MGME1: variants seen among roughly 807,000 people sequenced by gnomAD.
MGME1 encodes chromosome 20 open reading frame 72.
A neutral mutation model predicts 33.0 loss-of-function variants in MGME1; 22 were observed. That is an observed-to-expected ratio of 0.67 (90% CI 0.48 to 0.95). The LOEUF is 0.95. Ranked by LOEUF, MGME1 falls within the 40% of genes least tolerant of loss-of-function variation. The pLI is 0.00. For synonymous variants in MGME1, 133 were observed against 144.0 expected (o/e 0.92, Z 0.55); for missense variants, 383 against 397.8 (o/e 0.96, Z 0.32).
At chr20:17,973,258 C>A (rs1018134113) in intron 2 of MGME1, among the ~76,000 whole-genome samples, 1 of 151,998 alleles carries the variant, frequency 6.6e-6, no homozygotes, top group Non-Finnish European at 1.5e-5. Context: ...GCAGGAGAAT[C>A]GCTTGAACCT....
At chr20:17,982,027 C>A (rs1344637718) in intron 3 of MGME1, among the ~76,000 whole-genome samples, 1 of 152,202 alleles carries the variant, frequency 6.6e-6, no homozygotes, top group Non-Finnish European at 1.5e-5. Flanking sequence ...TGGGAACACT[C>A]AGATTATTTC....
At chr20:17,973,741 C>T (rs2035787095) in intron 2 of MGME1, among the ~76,000 whole-genome samples, 1 of 152,050 alleles carries the variant, frequency 6.6e-6, no homozygotes, top group Non-Finnish European at 1.5e-5. Context: ...CTCTGTTTCT[C>T]TGAGTATCTA....
rs567244425 is a variant in MGME1 at position 17,986,952 on chromosome 20, G to A, written c.732-1214G>A. Among the ~76,000 whole-genome samples, 18 of 151,866 alleles carry A rather than the reference G, an allele frequency of 1.2e-4. No individual in the cohort carries two copies. In the East Asian group the frequency reaches 3.3e-3, roughly 28 times the overall value. On this transcript the variant is annotated intron_variant, in intron 3 of 4. Coordinates refer to ENST00000377710, the MANE Select transcript of MGME1 (RefSeq NM_052865.4). ...TCCCAGCAGTTTGGGAGGCCAAGGC[G>A]GGTGGATCACTTGAGGTTAGGAGTT...
intron 1 of MGME1, among the ~76,000 whole-genome samples, chr20:17,969,491 CA>C (rs2035653146): frequency 6.6e-6 from 1 of 152,196 alleles, no homozygotes; most frequent in Non-Finnish European, 1.5e-5. Context: ...GTGTGGCCGC[CA>C]TGGGACGGGC....
chr20:17,975,594 T>A (rs1368252999), intron 2 of MGME1, 90 bp from the exon 3 acceptor site: 1 of 897,908 alleles, frequency 1.1e-6, no homozygotes, highest in East Asian at 2.6e-5. Flanking sequence ...TTTTTAATTG[T>A]ATTGTTTCAG....
chr20:17,970,446 G>A (rs1568605404), intron 2 of MGME1, 76 bp downstream of exon 2: 1 of 1,470,914 alleles, frequency 6.8e-7, no homozygotes, highest in South Asian at 1.4e-5. Flanking sequence ...AAAGAATGAG[G>A]TTTGGTTTTG....
chr20:17,976,747 C>T (rs1171138155), intron 3 of MGME1, among the ~76,000 whole-genome samples: 5 of 152,028 alleles, frequency 3.3e-5, no homozygotes, highest in Admixed American at 3.3e-4. Context: ...CTGCAACCTC[C>T]ATCTCCTAGG....
chr20:17,976,423 C>T (rs906200189), intron 3 of MGME1, among the ~76,000 whole-genome samples: 2 of 152,082 alleles, frequency 1.3e-5, no homozygotes, highest in Non-Finnish European at 1.5e-5. Flanking sequence ...TGCACCTGGC[C>T]GAGATTTTTC....
chr20:17,988,124 G>A, intron 3 of MGME1, 42 bp from the exon 4 acceptor site: 1 of 1,569,282 alleles, frequency 6.4e-7, no homozygotes. Flanking sequence ...GATTTTCATT[G>A]TGATCTATTA....
rs185446685 is a variant in MGME1, at chr20:17,990,299, C to T, written c.*190C>T. 1 of 629,676 alleles carries T rather than the reference C, an allele frequency of 1.6e-6. No individual in the cohort carries two copies. Among genetic ancestry groups the T allele is most frequent in the Non-Finnish European group, 2.8e-6 (1 of 356,520 alleles). 39.0% of individuals were successfully genotyped at this position (629,676 alleles called of 1,614,324 possible). Reference sequence around the variant, plus strand: ...AAGCCCCAAAGTCTAGATATAAAGACCTAGACTTCGGCACGCGAAATCCCA... The same window carrying T: ...AAGCCCCAAAGTCTAGATATAAAGATCTAGACTTCGGCACGCGAAATCCCA... On this transcript the variant is annotated 3_prime_UTR_variant, in exon 5 of 5. Transcript: ENST00000377710.
intron 3 of MGME1, among the ~76,000 whole-genome samples, chr20:17,979,174 C>T (rs145005927): frequency 0.023 from 3,531 of 151,006 alleles, 72 homozygotes; most frequent in Admixed American, 0.04. Context: ...CCTCGCAGGC[C>T]CAAGCGATTC....
chr20:17,978,685 T>C (rs972851922), intron 3 of MGME1, among the ~76,000 whole-genome samples: 16 of 152,240 alleles, frequency 1.1e-4, no homozygotes, highest in Middle Eastern at 3.2e-3. Flanking sequence ...TGATAAAATA[T>C]GTCCATAGCA....
At position 17,977,269 on chromosome 20, in the gene MGME1, G is replaced by A. The variant is rs189015401; in HGVS notation, c.731+1366G>A. ...TGTGTGCCTATAGTCCCAGCTACTC[G>A]GGAGTCTGAGGCAGGAGAATCACTT... is the stretch of plus-strand genomic sequence containing the variant. On this transcript the variant is annotated intron_variant, in intron 3 of 4. Transcript: ENST00000377710. Among the ~76,000 whole-genome samples the A allele has an allele frequency of 6.6e-5, 10 of 151,936 alleles. No homozygotes were observed. In the South Asian group the frequency reaches 1.5e-3, roughly 22 times the overall value.
At chr20:17,984,413 C>A (rs1343092203) in intron 3 of MGME1, among the ~76,000 whole-genome samples, 1 of 152,076 alleles carries the variant, frequency 6.6e-6, no homozygotes, top group African/African-American at 2.4e-5. Context: ...CTCCTATCAT[C>A]TAGTGATGTT....
At chr20:17,985,961 C>G (rs1046864610) in intron 3 of MGME1, among the ~76,000 whole-genome samples, 2 of 152,106 alleles carry the variant, frequency 1.3e-5, no homozygotes, top group Non-Finnish European at 2.9e-5. Flanking sequence ...GTGATGCCTC[C>G]GACTTCATTC....
chr20:17,974,937 C>A (rs564710580), intron 2 of MGME1, among the ~76,000 whole-genome samples: 6 of 152,136 alleles, frequency 3.9e-5, no homozygotes, highest in Admixed American at 1.3e-4. Context: ...TAAAAGGATT[C>A]CCCCACCTAT....
At chr20:17,980,700 T>A (rs1237483778) in intron 3 of MGME1, among the ~76,000 whole-genome samples, 1 of 151,772 alleles carries the variant, frequency 6.6e-6, no homozygotes, top group Non-Finnish European at 1.5e-5. Flanking sequence ...TCCCAGCTAC[T>A]TGGGAGGCTG....
intron 2 of MGME1, chr20:17,972,803 T>A: frequency 1.0e-6 from 1 of 984,394 alleles, no homozygotes; most frequent in Non-Finnish European, 1.2e-6. Flanking sequence ...TTTGCTAAGT[T>A]TTTTTCTTCC....
intron 2 of MGME1, among the ~76,000 whole-genome samples, chr20:17,975,056 A>G (rs986498809): frequency 3.4e-4 from 51 of 152,216 alleles, no homozygotes; most frequent in African/African-American, 1.1e-3. Context: ...TACATTGGAT[A>G]CTTAAACACA....
Sources: gnomAD v4.1 joint callset for allele counts (sites outside exome capture counted in the v4.1 genomes callset) on GRCh38, gnomAD v4.1.1 for gene constraint, MANE v1.5 for transcripts, NCBI Gene and HGNC (gene_info 2026-07-23, HGNC 2026-07-21) for gene names.